The following USP25 variants were observed in gnomAD, a reference collection of about 807,000 sequenced individuals.
USP25 encodes ubiquitin specific peptidase 25.
In USP25, 85 loss-of-function variants were observed where a neutral mutation model predicts 158.5. The observed-to-expected ratio is 0.54, with a 90% CI of 0.45 to 0.64. USP25 has a LOEUF of 0.64. Among genes scored for constraint, USP25 ranks in the 30% least tolerant of loss-of-function variants. USP25 has a pLI of 0.00. For synonymous variants in USP25, 464 were observed against 460.4 expected (o/e 1.01, Z -0.10); for missense variants, 1,242 against 1,327.3 (o/e 0.94, Z 1.00).
intron 9 of USP25, among the ~76,000 whole-genome samples, chr21:15,813,768 G>C (rs146611445): frequency 1.2e-4 from 18 of 151,194 alleles, no homozygotes; most frequent in African/African-American, 4.1e-4. Flanking sequence ...AGAGGAGTTA[G>C]TTTCAACTGA....
At chr21:15,851,003 A>G (rs1333768525) in intron 20 of USP25, among the ~76,000 whole-genome samples, 6 of 151,996 alleles carry the variant, frequency 3.9e-5, no homozygotes, top group South Asian at 2.1e-4. Flanking sequence ...TGTATTTTTT[A>G]TAGTTTTCTG....
intron 3 of USP25, among the ~76,000 whole-genome samples, chr21:15,772,788 C>A (rs1343461504): frequency 1.3e-5 from 2 of 152,046 alleles, no homozygotes; most frequent in Non-Finnish European, 1.5e-5. Flanking sequence ...TTTTCTTTTA[C>A]TGGTCTTAAA....
intron 17 of USP25, among the ~76,000 whole-genome samples, chr21:15,841,672 A>G (rs2038340914): frequency 1.3e-5 from 2 of 152,142 alleles, no homozygotes; most frequent in Non-Finnish European, 2.9e-5. Flanking sequence ...AAATTTATAT[A>G]TATGATTATT....
intron 3 of USP25, among the ~76,000 whole-genome samples, chr21:15,768,024 C>T (rs577040482): frequency 8.5e-5 from 13 of 152,092 alleles, no homozygotes; most frequent in South Asian, 2.1e-4. Flanking sequence ...TCAGGAGGCA[C>T]GTGTCTCATT....
intron 1 of USP25, among the ~76,000 whole-genome samples, chr21:15,746,778 G>A (rs191941580): frequency 1.1e-3 from 162 of 152,240 alleles, no homozygotes; most frequent in African/African-American, 3.8e-3. Context: ...TTGTATCTGC[G>A]ACTTTGCGAA....
At chr21:15,812,505 G>A (rs1035592601) in intron 9 of USP25, among the ~76,000 whole-genome samples, 5 of 152,044 alleles carry the variant, frequency 3.3e-5, no homozygotes, top group Non-Finnish European at 5.9e-5. Context: ...AAAAAAATTA[G>A]CCAGGCGTGG....
At chr21:15,800,460 T>C (rs553040130) in intron 6 of USP25, among the ~76,000 whole-genome samples, 4 of 150,846 alleles carry the variant, frequency 2.7e-5, no homozygotes, top group Admixed American at 6.6e-5. Context: ...AGGTAAAACA[T>C]GTAAGGGGCT....
chr21:15,861,386 T>A (rs1489950596), intron 20 of USP25, among the ~76,000 whole-genome samples: 4 of 152,182 alleles, frequency 2.6e-5, no homozygotes, highest in Admixed American at 2.0e-4. Context: ...TGTCATCTAA[T>A]GACTAGTATC....
At chr21:15,819,476 G>A (rs767721352) in intron 10 of USP25, among the ~76,000 whole-genome samples, 28 of 152,118 alleles carry the variant, frequency 1.8e-4, no homozygotes, top group Non-Finnish European at 3.7e-4. Flanking sequence ...AGTAAGCAAA[G>A]GACATACGTG....
At chr21:15,783,837 G>A (rs866497776) in intron 4 of USP25, among the ~76,000 whole-genome samples, 5 of 151,838 alleles carry the variant, frequency 3.3e-5, no homozygotes, top group South Asian at 2.1e-4. Flanking sequence ...AGGCATGGTG[G>A]TGGGTGCCGG....
intron 10 of USP25, among the ~76,000 whole-genome samples, chr21:15,821,365 A>C (rs2037226574): frequency 6.6e-6 from 1 of 151,964 alleles, no homozygotes; most frequent in African/African-American, 2.4e-5. Context: ...TAACTCGAAA[A>C]AGAACTATTC....
intron 2 of USP25, among the ~76,000 whole-genome samples, chr21:15,763,282 G>A (rs994647082): frequency 1.3e-5 from 2 of 152,090 alleles, no homozygotes; most frequent in Middle Eastern, 3.2e-3. Flanking sequence ...TGATTTTAGA[G>A]TTTAAATGAG....
chr21:15,808,782 T>C (rs1158583417), intron 7 of USP25, 27 bp from the exon 8 acceptor site: 1 of 1,564,120 alleles, frequency 6.4e-7, no homozygotes, highest in African/African-American at 1.4e-5. Context: ...TAGGCTCAAA[T>C]ATCAACAGGC....
chr21:15,806,335 T>C (rs1418992088), intron 7 of USP25, among the ~76,000 whole-genome samples: 2 of 152,092 alleles, frequency 1.3e-5, no homozygotes, highest in African/African-American at 2.4e-5. Context: ...TTCCAGTGAT[T>C]CTGAGTATAC....
intron 17 of USP25, among the ~76,000 whole-genome samples, chr21:15,838,082 A>G (rs1398172968): frequency 6.6e-6 from 1 of 151,620 alleles, no homozygotes; most frequent in Non-Finnish European, 1.5e-5. Context: ...ATATACCACC[A>G]CACTGGGCTG....
chr21:15,797,720 C>T (rs1333918504), intron 5 of USP25, among the ~76,000 whole-genome samples: 2 of 151,150 alleles, frequency 1.3e-5, no homozygotes, highest in East Asian at 3.9e-4. Flanking sequence ...AAGAATAGTC[C>T]ATGGTTTGTC....
intron 20 of USP25, among the ~76,000 whole-genome samples, chr21:15,863,445 G>A (rs1282424300): frequency 6.6e-6 from 1 of 151,892 alleles, no homozygotes; most frequent in South Asian, 2.1e-4. Context: ...CTTATTTGTG[G>A]GCTATTCAGC....
At chr21:15,730,782 T>G (rs1033751374) in intron 1 of USP25, among the ~76,000 whole-genome samples, 2 of 152,190 alleles carry the variant, frequency 1.3e-5, no homozygotes, top group Non-Finnish European at 2.9e-5. Context: ...AATAGCTAGT[T>G]GTCATCCTTT....
intron 16 of USP25, 118 bp downstream of exon 16, chr21:15,831,747 A>G: frequency 1.2e-6 from 1 of 866,674 alleles, no homozygotes; most frequent in Middle Eastern, 3.2e-4. Flanking sequence ...AGGAAATGCT[A>G]CTGGGTTTTG....
Sources: gnomAD v4.1 joint callset for allele counts (sites outside exome capture counted in the v4.1 genomes callset) on GRCh38, gnomAD v4.1.1 for gene constraint, MANE v1.5 for transcripts, NCBI Gene and HGNC (gene_info 2026-07-23, HGNC 2026-07-21) for gene names.